VOPP1: variants seen among roughly 807,000 people sequenced by gnomAD.
The protein encoded by VOPP1 is VOPP1 WW domain binding protein, also known as WW domain binding protein VOPP1.
A neutral mutation model predicts 23.5 loss-of-function variants in VOPP1; 8 were observed. The observed-to-expected ratio is 0.34, with a 90% CI of 0.20 to 0.61. The LOEUF (loss-of-function observed/expected upper bound fraction) is 0.61, where lower values mean the gene tolerates loss of function less well. Among genes scored for constraint, VOPP1 ranks in the 20% least tolerant of loss-of-function variants. VOPP1 has a pLI of 0.78. For synonymous variants in VOPP1, 83 were observed against 97.3 expected (o/e 0.85, Z 0.86); for missense variants, 174 against 238.1 (o/e 0.73, Z 1.77).
intron 1 of VOPP1, among the ~76,000 whole-genome samples, chr7:55,566,181 G>A (rs1249595229): frequency 6.6e-6 from 1 of 152,176 alleles, no homozygotes; most frequent in East Asian, 1.9e-4. Flanking sequence ...CTGGAGGTGG[G>A]GGTGGTGGGA....
intron 2 of VOPP1, among the ~76,000 whole-genome samples, chr7:55,506,510 T>C (rs1331977226): frequency 6.6e-6 from 1 of 151,454 alleles, no homozygotes; most frequent in Non-Finnish European, 1.5e-5. Flanking sequence ...TAATTTTTTA[T>C]ATTTTTGGTA....
intron 2 of VOPP1, among the ~76,000 whole-genome samples, chr7:55,513,444 T>A (rs1021371436): frequency 6.6e-6 from 1 of 152,204 alleles, no homozygotes; most frequent in African/African-American, 2.4e-5. Context: ...GAATTCCCTA[T>A]CGTCTCAGTG....
intron 4 of VOPP1, among the ~76,000 whole-genome samples, chr7:55,462,518 T>C (rs920966526): frequency 1.2e-4 from 19 of 152,132 alleles, no homozygotes; most frequent in African/African-American, 2.4e-5. Context: ...TCTCATAGGC[T>C]CTCTCTTTTG....
At chr7:55,437,356 T>C (rs1790857802) in intron 4 of VOPP1, among the ~76,000 whole-genome samples, 1 of 152,216 alleles carries the variant, frequency 6.6e-6, no homozygotes, top group African/African-American at 2.4e-5. Context: ...CAGAAAGATG[T>C]CTTTCATCTG....
At chr7:55,537,693 C>A in intron 1 of VOPP1, 1 of 1,457,472 alleles carries the variant, frequency 6.9e-7, no homozygotes, top group Non-Finnish European at 9.0e-7. Flanking sequence ...GTGAGAACAT[C>A]TACCATGGAG....
At chr7:55,495,062 C>T (rs1341765886) in intron 3 of VOPP1, among the ~76,000 whole-genome samples, 2 of 152,060 alleles carry the variant, frequency 1.3e-5, no homozygotes, top group Non-Finnish European at 2.9e-5. Context: ...CCCCCCAGCC[C>T]CGAGTGTAGC....
chr7:55,516,356 A>G (rs1263053803), intron 2 of VOPP1, among the ~76,000 whole-genome samples: 1 of 152,244 alleles, frequency 6.6e-6, no homozygotes, highest in African/African-American at 2.4e-5. Context: ...TTCCAGACCA[A>G]TAATGGAAAA....
At chr7:55,540,442 TAA>T (rs1554299348) in intron 1 of VOPP1, among the ~76,000 whole-genome samples, 33 of 136,086 alleles carry the variant, frequency 2.4e-4, no homozygotes, top group African/African-American at 9.1e-4. Flanking sequence ...AATAAATAAA[TAA>T]AAATAAATGA....
Position 55,491,652 on chromosome 7 carries a change from T to C in VOPP1, c.328+630A>G, listed in dbSNP as rs566903037. Among the ~76,000 whole-genome samples the C allele has an allele frequency of 7.9e-5, 12 of 152,376 alleles. No individual in the cohort carries two copies. In the South Asian group the frequency reaches 2.3e-3, roughly 29 times the overall value. ...CACCACAGTATGTAGGAGTTTTAGATGGCTAAGGCAATGTTTTACAAGAAT... is the reference window on the plus strand; with the variant it reads ...CACCACAGTATGTAGGAGTTTTAGACGGCTAAGGCAATGTTTTACAAGAAT... On this transcript the variant is annotated intron_variant, in intron 4 of 4. Transcript: ENST00000285279.
chr7:55,482,371 G>A (rs1401008185), intron 4 of VOPP1, among the ~76,000 whole-genome samples: 6 of 148,272 alleles, frequency 4.0e-5, no homozygotes, highest in East Asian at 2.0e-4. Context: ...TTTTTGAGAC[G>A]GAGTCTCACT....
At chr7:55,436,600 A>ATGAGTGTGTGTGCATGAG (rs1318185537) in intron 4 of VOPP1, among the ~76,000 whole-genome samples, 2,062 of 148,708 alleles carry the variant, frequency 0.014, 55 homozygotes, top group Non-Finnish European at 0.014. Flanking sequence ...ACAATTGTGC[A>ATGAGTGTGTGTGCATGAG]TGAGTGTGTG....
chr7:55,498,774 T>C (rs1319748492), intron 2 of VOPP1, among the ~76,000 whole-genome samples: 2 of 152,146 alleles, frequency 1.3e-5, no homozygotes, highest in African/African-American at 2.4e-5. Context: ...GCTTGTTTTA[T>C]GTAGAAGTAT....
At chr7:55,499,105 T>C (rs1473508314) in intron 2 of VOPP1, among the ~76,000 whole-genome samples, 2 of 152,070 alleles carry the variant, frequency 1.3e-5, no homozygotes, top group Non-Finnish European at 2.9e-5. Context: ...GTGATTTCCA[T>C]GAAATGCTCC....
intron 4 of VOPP1, among the ~76,000 whole-genome samples, chr7:55,459,253 T>C (rs1791441956): frequency 6.6e-6 from 1 of 152,208 alleles, no homozygotes; most frequent in South Asian, 2.1e-4. Context: ...ATCTTTTTGG[T>C]GTACTGTTGA....
chr7:55,562,619 G>A (rs1243972108), intron 1 of VOPP1, among the ~76,000 whole-genome samples: 1 of 152,158 alleles, frequency 6.6e-6, no homozygotes, highest in Non-Finnish European at 1.5e-5. Context: ...GGGGGTCAAC[G>A]GATACAAAAT....
intron 1 of VOPP1, among the ~76,000 whole-genome samples, chr7:55,523,155 T>C (rs1795976712): frequency 1.3e-5 from 2 of 152,090 alleles, no homozygotes; most frequent in Admixed American, 1.3e-4. Context: ...TCTGCCCACC[T>C]CCAGCAAGAA....
chr7:55,509,774 T>C (rs980357253), intron 2 of VOPP1, among the ~76,000 whole-genome samples: 2 of 152,252 alleles, frequency 1.3e-5, no homozygotes, highest in East Asian at 1.9e-4. Context: ...CTCAGTCTTC[T>C]ATTGAATCTT....
At chr7:55,443,045 G>C (rs1791006261) in intron 4 of VOPP1, among the ~76,000 whole-genome samples, 1 of 151,818 alleles carries the variant, frequency 6.6e-6, no homozygotes. Context: ...CGTGAACTCA[G>C]GAGGCAGAGC....
At chr7:55,489,336 G>A (rs1285839248) in intron 4 of VOPP1, among the ~76,000 whole-genome samples, 1 of 152,336 alleles carries the variant, frequency 6.6e-6, no homozygotes, top group East Asian at 1.9e-4. Context: ...TCTACATTTT[G>A]GTCAGAGAAG....
Sources: gnomAD v4.1 joint callset for allele counts (sites outside exome capture counted in the v4.1 genomes callset) on GRCh38, gnomAD v4.1.1 for gene constraint, MANE v1.5 for transcripts, NCBI Gene and HGNC (gene_info 2026-07-23, HGNC 2026-07-21) for gene names.